The following WDR64 variants were observed in gnomAD, a reference collection of about 807,000 sequenced individuals.
WDR64 encodes WD repeat domain 64.
A neutral mutation model predicts 139.3 loss-of-function variants in WDR64; 112 were observed. That is an observed-to-expected ratio of 0.80 (90% CI 0.69 to 0.94). WDR64 has a LOEUF of 0.94. WDR64 is among the 40% of genes least tolerant of loss of function. The probability of loss-of-function intolerance (pLI) is 0.00; values close to 1 mark genes in which losing one functional copy is unlikely to be tolerated. For missense variants in WDR64, 1,206 were observed against 1,293.1 expected (o/e 0.93, Z 1.03); for synonymous variants, 444 against 437.7 (o/e 1.01, Z -0.18).
At chr1:241,683,361 A>G in intron 6 of WDR64, 126 bp from the exon 7 acceptor site, 1 of 836,434 alleles carries the variant, frequency 1.2e-6, no homozygotes, top group Non-Finnish European at 1.8e-6. Context: ...TTCTCAAATT[A>G]TCTTATAAGA....
chr1:241,746,335 C>T (rs1005125646), intron 13 of WDR64, among the ~76,000 whole-genome samples: 1 of 152,032 alleles, frequency 6.6e-6, no homozygotes, highest in African/African-American at 2.4e-5. Context: ...ACTATAAAAG[C>T]TCATGTGAGA....
chr1:241,780,146 A>G, intron 22 of WDR64, 84 bp downstream of exon 22: 1 of 1,128,640 alleles, frequency 8.9e-7, no homozygotes, highest in Non-Finnish European at 1.3e-6. Flanking sequence ...CATAAAGGAT[A>G]GAAATACAAG....
intron 22 of WDR64, among the ~76,000 whole-genome samples, chr1:241,781,419 G>A (rs12747803): frequency 0.23 from 34,876 of 152,044 alleles, 4,334 homozygotes; most frequent in Non-Finnish European, 0.28. Context: ...ATAGAACCTG[G>A]CTATAAAATG....
intron 10 of WDR64, among the ~76,000 whole-genome samples, chr1:241,731,337 C>T (rs902022282): frequency 6.8e-6 from 1 of 146,148 alleles, no homozygotes; most frequent in Non-Finnish European, 1.5e-5. Context: ...AGAGATACCT[C>T]GTCTCTTAAA....
intron 7 of WDR64, among the ~76,000 whole-genome samples, chr1:241,687,032 C>A (rs942950524): frequency 8.5e-5 from 13 of 152,142 alleles, no homozygotes; most frequent in African/African-American, 3.1e-4. Flanking sequence ...GGGCCAGGTG[C>A]AATGGCTCAT....
At chr1:241,735,219 G>C (rs1336743665) in intron 10 of WDR64, among the ~76,000 whole-genome samples, 2 of 152,052 alleles carry the variant, frequency 1.3e-5, no homozygotes, top group African/African-American at 4.8e-5. Flanking sequence ...TATTCATGTT[G>C]TTACATATAG....
At chr1:241,777,622 T>C (rs1281840045) in intron 21 of WDR64, among the ~76,000 whole-genome samples, 1 of 152,042 alleles carries the variant, frequency 6.6e-6, no homozygotes, top group East Asian at 1.9e-4. Context: ...TTCACCATGT[T>C]GGCCAGGCTG....
chr1:241,769,549 G>A, intron 17 of WDR64, 44 bp downstream of exon 17: 1 of 1,495,932 alleles, frequency 6.7e-7, no homozygotes, highest in Non-Finnish European at 9.1e-7. Flanking sequence ...CTGGGACTTA[G>A]GTGGCTGATA....
At chr1:241,769,607 T>C in intron 17 of WDR64, 102 bp downstream of exon 17, 6 of 1,027,136 alleles carry the variant, frequency 5.8e-6, no homozygotes, top group Non-Finnish European at 8.6e-6. Context: ...TTGAAAGTAA[T>C]AGAAAGAGTT....
chr1:241,661,215 T>G (rs1297383047), intron 2 of WDR64, among the ~76,000 whole-genome samples: 1 of 151,928 alleles, frequency 6.6e-6, no homozygotes. Flanking sequence ...TCTAAGGGAT[T>G]TGAATACCAC....
intron 8 of WDR64, among the ~76,000 whole-genome samples, chr1:241,708,699 TTTTTGTTTTTTTG>T (rs1375462712): frequency 3.3e-5 from 2 of 59,764 alleles, no homozygotes; most frequent in African/African-American, 1.5e-4. Context: ...ATGGTTTTTT[TTTTTGTTTTTTTG>T]TTTTTTTTTT....
intron 8 of WDR64, among the ~76,000 whole-genome samples, chr1:241,708,432 G>T (rs1040643597): frequency 2.6e-5 from 4 of 152,174 alleles, no homozygotes; most frequent in African/African-American, 9.7e-5. Flanking sequence ...TCCTGTCTCA[G>T]CCTTCTGAGT....
intron 10 of WDR64, among the ~76,000 whole-genome samples, chr1:241,723,715 A>G (rs1248281624): frequency 6.6e-6 from 1 of 152,204 alleles, no homozygotes; most frequent in African/African-American, 2.4e-5. Context: ...GGGCCTTTCA[A>G]TAGATAGGAA....
chr1:241,739,591 TTC>T (rs1669456919), intron 11 of WDR64, among the ~76,000 whole-genome samples: 1 of 152,242 alleles, frequency 6.6e-6, no homozygotes, highest in Non-Finnish European at 1.5e-5. Flanking sequence ...TAAGCAAATT[TTC>T]TCTCAGTGCC....
In WDR64 at chr1:241,789,011, C is replaced by T. The variant is rs531679170; in HGVS notation, c.2891+977C>T. Among the ~76,000 whole-genome samples the T allele has an allele frequency of 4.2e-4, 64 of 152,188 alleles. No individual in the cohort carries two copies. In the Middle Eastern group the frequency reaches 0.01, roughly 24 times the overall value. ...CATCTTCTTCTCTATACTGTGAGTT[C>T]CTTGAAGACCAGGACCTTGTTTTAT... On this transcript the variant is annotated intron_variant, in intron 24 of 27. Transcript: ENST00000437684.
intron 22 of WDR64, among the ~76,000 whole-genome samples, chr1:241,782,113 C>T (rs1159865711): frequency 2.0e-5 from 3 of 152,066 alleles, no homozygotes; most frequent in East Asian, 1.9e-4. Flanking sequence ...GGTGAAACCC[C>T]GTCTCTACTA....
rs185029507 is a variant in WDR64, at chr1:241,781,089, T to A, written c.2595+1027T>A. 5.9e-5 allele frequency among the ~76,000 whole-genome samples: 9 copies of A among 152,336 alleles called. No individual in the cohort carries two copies. In the East Asian group the frequency reaches 1.7e-3, roughly 29 times the overall value. ...AATTGTTTTATCCTACTGCTGATGA[T>A]TATTATATTGTATTATTAATTTTAA... On this transcript the variant is annotated intron_variant, in intron 22 of 27. Coordinates refer to ENST00000437684, the MANE Select transcript of WDR64 (RefSeq NM_001367482.1).
intron 7 of WDR64, among the ~76,000 whole-genome samples, chr1:241,686,930 T>C (rs1667025823): frequency 1.3e-5 from 2 of 152,252 alleles, no homozygotes; most frequent in Admixed American, 1.3e-4. Context: ...ATTGTTCTTT[T>C]AATTCTGAAT....
chr1:241,694,165 A>G (rs1667402668), intron 8 of WDR64, among the ~76,000 whole-genome samples: 1 of 152,186 alleles, frequency 6.6e-6, no homozygotes, highest in African/African-American at 2.4e-5. Context: ...GAATTCCTTT[A>G]AATTCTGAGG....
Sources: gnomAD v4.1 joint callset for allele counts (sites outside exome capture counted in the v4.1 genomes callset) on GRCh38, gnomAD v4.1.1 for gene constraint, MANE v1.5 for transcripts, NCBI Gene and HGNC (gene_info 2026-07-23, HGNC 2026-07-21) for gene names.